The following ERCC6 variants were observed in gnomAD, a reference collection of about 807,000 sequenced individuals.
ERCC6 encodes the protein ERCC excision repair 6, chromatin remodeling factor.
A neutral mutation model predicts 158.7 loss-of-function variants in ERCC6; 116 were observed. That is an observed-to-expected ratio of 0.73 (90% CI 0.63 to 0.85). The LOEUF is 0.85. ERCC6 is among the 40% of genes least tolerant of loss of function. The pLI, the probability that ERCC6 is intolerant of heterozygous loss-of-function variation, is 0.00. For missense variants in ERCC6, 1,698 were observed against 1,799.4 expected, an observed-to-expected ratio of 0.94 and a Z score of 1.02; for synonymous variants, 678 against 659.3, an observed-to-expected ratio of 1.03 and a Z score of -0.43.
rs891019568 is a variant in ERCC6 at position 49,456,842 on chromosome 10, C to G, written c.*1973G>C. 1 of 151,000 alleles carries G rather than the reference C, an allele frequency of 6.6e-6. No individual in the cohort carries two copies. Among genetic ancestry groups the G allele is most frequent in the Non-Finnish European group, 1.5e-5 (1 of 67,340 alleles). 9.4% of individuals were successfully genotyped at this position (151,000 alleles called of 1,614,324 possible). On this transcript the variant is annotated 3_prime_UTR_variant, in exon 21 of 21. Transcript: ENST00000355832. The stretch of plus-strand genomic sequence containing the variant: ...TCCAAGTCCCTCCAGCCAGGAGGCA[C>G]GGTAACAATGTGTCAGATCTCCACA...
intron 5 of ERCC6, among the ~76,000 whole-genome samples, chr10:49,509,854 T>A (rs1480563429): frequency 6.6e-6 from 1 of 152,170 alleles, no homozygotes; most frequent in Non-Finnish European, 1.5e-5. Flanking sequence ...ATTCTCTCAT[T>A]TTAAAAAATC....
Position 49,531,352 on chromosome 10 carries a change from ACAAAT to A in ERCC6, c.423-517_423-513del, listed in dbSNP as rs542648206. On this transcript the variant is annotated intron_variant, in intron 2 of 20. Transcript: ENST00000355832. ...CACTAAACTTTGTGGTGCAAAGAAA[ACAAAT>A]CAATTTAAAATAAATTACTCCTAAA... is the stretch of plus-strand genomic sequence containing the variant. Among the ~76,000 whole-genome samples the A allele has an allele frequency of 1.2e-3, 187 of 152,348 alleles. 2 individuals are homozygous for A. The highest frequency in any genetic ancestry group is 3.4e-3 in the Middle Eastern group (1 of 294).
intron 5 of ERCC6, among the ~76,000 whole-genome samples, chr10:49,507,823 T>C (rs926424642): frequency 6.6e-6 from 1 of 152,044 alleles, no homozygotes; most frequent in African/African-American, 2.4e-5. Flanking sequence ...CCCAAACCCC[T>C]CGGTAAAAAG....
At chr10:49,487,995 A>T (rs988342340) in intron 8 of ERCC6, among the ~76,000 whole-genome samples, 2 of 152,324 alleles carry the variant, frequency 1.3e-5, no homozygotes, top group Non-Finnish European at 2.9e-5. Context: ...AGCTGCCTAG[A>T]CTGGAGTTTC....
At chr10:49,469,153 A>G (rs1850728161) in intron 18 of ERCC6, among the ~76,000 whole-genome samples, 1 of 152,262 alleles carries the variant, frequency 6.6e-6, no homozygotes, top group Non-Finnish European at 1.5e-5. Flanking sequence ...AGTGGATAAA[A>G]GTTTGATGAG....
At position 49,458,653 on chromosome 10, in the gene ERCC6, A is replaced by G; in HGVS notation, c.*162T>C. ...TATTAAAACTTTTAACTTTCAGAGAAGAGTTTCTTCTTCCTTAAAGTTTTA... is the reference window on the plus strand; with the variant it reads ...TATTAAAACTTTTAACTTTCAGAGAGGAGTTTCTTCTTCCTTAAAGTTTTA... On this transcript the variant is annotated 3_prime_UTR_variant, in exon 21 of 21. Transcript: ENST00000355832. The G allele has an allele frequency of 1.4e-6, 1 of 696,066 alleles. No individual in the cohort carries two copies. Among genetic ancestry groups the G allele is most frequent in the Non-Finnish European group, 2.4e-6 (1 of 417,392 alleles). 43.1% of individuals were successfully genotyped at this position (696,066 alleles called of 1,614,324 possible). A position where few individuals can be genotyped will look rare whatever the true frequency, so the allele number is the denominator to read the frequency against.
At chr10:49,492,989 T>C in intron 8 of ERCC6, 128 bp downstream of exon 8, 1 of 946,582 alleles carries the variant, frequency 1.1e-6, no homozygotes, top group South Asian at 1.6e-5. Flanking sequence ...TAATAATAAA[T>C]TAACTTTAAA....
intron 18 of ERCC6, among the ~76,000 whole-genome samples, chr10:49,465,929 C>G (rs1330330240): frequency 6.7e-6 from 1 of 149,194 alleles, no homozygotes; most frequent in Non-Finnish European, 1.5e-5. Context: ...ACTCATGAGA[C>G]TGGTAAGGTA....
rs4253223 is a variant in ERCC6, at chr10:49,460,646, C to T, written c.3984-195G>A. ...TCCTAGAAAGTAACTGCTGGCTGGG[C>T]GCAGTGGCTCATGCCTGTAATCCCA... On this transcript the variant is annotated intron_variant, in intron 19 of 20. Coordinates refer to ENST00000355832, the MANE Select transcript of ERCC6 (RefSeq NM_000124.4). Among the ~76,000 whole-genome samples, 9,846 of 152,260 alleles carry T rather than the reference C, an allele frequency of 0.065. 431 individuals are homozygous for T. Among genetic ancestry groups the T allele is most frequent in the Middle Eastern group, 0.11 (32 of 294 alleles).
At chr10:49,438,918 T>A in the ERCC6 span, among the ~76,000 whole-genome samples, 1 of 152,198 alleles carries the variant, frequency 6.6e-6, no homozygotes, top group South Asian at 2.1e-4. Context: ...AAGTCTCACA[T>A]CTAGGTCACG....
intron 1 of ERCC6, among the ~76,000 whole-genome samples, chr10:49,533,290 G>C (rs1032398428): frequency 4.6e-5 from 7 of 152,190 alleles, no homozygotes; most frequent in Non-Finnish European, 5.9e-5. Flanking sequence ...CAAAACAGCT[G>C]AAGTCATTTG....
chr10:49,452,730 G>A (rs187572939), downstream of ERCC6, among the ~76,000 whole-genome samples: 463 of 152,110 alleles, frequency 3.0e-3, 5 homozygotes, highest in East Asian at 6.6e-3. Context: ...GTCAGTTTTT[G>A]CTTTCTGTGT....
At chr10:49,450,452 T>C (rs1188923629), downstream of ERCC6, among the ~76,000 whole-genome samples, 1 of 152,250 alleles carries the variant, frequency 6.6e-6, no homozygotes, top group African/African-American at 2.4e-5. Context: ...TTCTACTTTA[T>C]TCTTTTTCAG....
intron 5 of ERCC6, chr10:49,506,428 T>C: frequency 5.1e-6 from 1 of 197,734 alleles, no homozygotes; most frequent in Non-Finnish European, 1.0e-5. Flanking sequence ...TAATTACTAT[T>C]TCTGTTCTAA....
chr10:49,500,388 T>G lies in ERCC6; in HGVS notation c.1685+150A>C. 2.3e-6 allele frequency: 2 copies of G among 855,372 alleles called. 1 individual carries two copies. The highest frequency in any genetic ancestry group is 4.1e-5 in the Admixed American group (2 of 49,176). The allele number at this position is 855,372 out of a possible 1,614,324, so 53.0% of individuals were successfully genotyped here. A position where few individuals can be genotyped will look rare whatever the true frequency, so the allele number is the denominator to read the frequency against. ...CCTACAGCTCCATTGTCTCGTAAAA[T>G]TTTTCCTTTGATGTCCCCCACTAAA... On this transcript the variant is annotated intron_variant, in intron 7 of 20. Transcript: ENST00000355832.
downstream of ERCC6, among the ~76,000 whole-genome samples, chr10:49,450,498 A>T (rs1186885283): frequency 6.6e-6 from 1 of 152,172 alleles, no homozygotes; most frequent in East Asian, 1.9e-4. Context: ...TTGAAATTTC[A>T]TATAACTCTT....
chr10:49,524,377 T>C lies in ERCC6; in HGVS notation c.1053A>G (p.Ala351=). The change falls in exon 5 of 21, where the codon GCA becomes GCG. Residue 351 remains alanine, a synonymous_variant. Coordinates refer to ENST00000355832, the MANE Select transcript of ERCC6 (RefSeq NM_000124.4). ...TCATGTCTGACTCCCAAGGTCTCCT[T>C]GCCTTTGGCAATCCCACTTTCCCCT... ...QFQGKVGLPK[A]RRPWESDMRP... is the part of the protein sequence containing the mutation. The C allele has an allele frequency of 6.2e-7, 1 of 1,614,212 alleles. No individual in the cohort carries two copies. Among genetic ancestry groups the C allele is most frequent in the Non-Finnish European group, 8.5e-7 (1 of 1,180,038 alleles).
intron 1 of ERCC6, among the ~76,000 whole-genome samples, chr10:49,534,133 C>CAAAAAAAAAAAAAAAAAAAAAAAAAAAAA (rs746772551): frequency 1.7e-5 from 1 of 60,320 alleles, no homozygotes; most frequent in Non-Finnish European, 3.0e-5. Context: ...GACTCAATCT[C>CAAAAAAAAAAAAAAAAAAAAAAAAAAAAA]AAAAAAAAAA....
chr10:49,526,111 A>T (rs372990246), intron 4 of ERCC6, among the ~76,000 whole-genome samples: 6 of 74,570 alleles, frequency 8.0e-5, no homozygotes, highest in Admixed American at 5.3e-4. Context: ...ATATATTTAT[A>T]TATTTTTATA....
Sources: allele counts gnomAD v4.1 joint callset (sites outside exome capture counted in the v4.1 genomes callset), GRCh38; gene constraint gnomAD v4.1.1; transcripts MANE v1.5; gene names NCBI Gene and HGNC (gene_info 2026-07-23, HGNC 2026-07-21).